KCNN3: variants seen among roughly 807,000 people sequenced by gnomAD.
KCNN3 encodes the protein potassium calcium-activated channel subfamily N member 3, also known as small conductance calcium-activated potassium channel protein 3.
A neutral mutation model predicts 62.9 loss-of-function variants in KCNN3; 16 were observed. The ratio of observed to expected loss-of-function variants is 0.25; its 90% CI spans 0.17 to 0.39. The LOEUF is 0.39. Ranked by LOEUF, KCNN3 falls within the 10% of genes least tolerant of loss-of-function variation. The pLI, the probability that KCNN3 is intolerant of heterozygous loss-of-function variation, is 1.00. For synonymous variants in KCNN3, 370 were observed against 389.2 expected (o/e 0.95, Z 0.58); for missense variants, 599 against 949.4 (o/e 0.63, Z 4.85).
At chr1:154,774,524 G>A (rs751766558) in intron 2 of KCNN3, among the ~76,000 whole-genome samples, 2 of 152,260 alleles carry the variant, frequency 1.3e-5, no homozygotes, top group Non-Finnish European at 2.9e-5. Flanking sequence ...TGAGGCCTGA[G>A]ATCCGGGCAT....
intron 2 of KCNN3, among the ~76,000 whole-genome samples, chr1:154,806,968 G>C (rs1650198452): frequency 6.6e-6 from 1 of 152,134 alleles, no homozygotes; most frequent in Non-Finnish European, 1.5e-5. Context: ...TATCCTGAAA[G>C]GACATTTGGA....
At chr1:154,732,973 G>C (rs370223506) in intron 4 of KCNN3, 30 bp downstream of exon 4, 16 of 1,613,304 alleles carry the variant, frequency 9.9e-6, no homozygotes, top group East Asian at 4.5e-5. Context: ...ACATTTTAAG[G>C]GTAGGGAATG....
intron 2 of KCNN3, among the ~76,000 whole-genome samples, chr1:154,775,158 A>G (rs1648736134): frequency 6.6e-6 from 1 of 152,174 alleles, no homozygotes; most frequent in Non-Finnish European, 1.5e-5. Context: ...CTCTGCTTCA[A>G]AGTTAGTCAC....
At chr1:154,714,317 G>A (rs1241569717) in intron 6 of KCNN3, among the ~76,000 whole-genome samples, 2 of 127,794 alleles carry the variant, frequency 1.6e-5, no homozygotes, top group Admixed American at 7.8e-5. Context: ...TGGTTTGTGT[G>A]AGGTGTGTGT....
intron 3 of KCNN3, among the ~76,000 whole-genome samples, chr1:154,746,677 C>G (rs972729443): frequency 1.3e-5 from 2 of 152,152 alleles, no homozygotes; most frequent in Non-Finnish European, 2.9e-5. Context: ...TGTTCAGTCT[C>G]TCTCCCACCC....
chr1:154,715,652 C>G (rs1337008711), intron 5 of KCNN3, among the ~76,000 whole-genome samples: 19 of 150,908 alleles, frequency 1.3e-4, no homozygotes, highest in African/African-American at 4.6e-4. Context: ...TCAATACTAT[C>G]TCTTGACTGC....
intron 1 of KCNN3, among the ~76,000 whole-genome samples, chr1:154,847,744 A>G (rs1652136290): frequency 6.6e-6 from 1 of 152,176 alleles, no homozygotes; most frequent in South Asian, 2.1e-4. Flanking sequence ...AGTCAAGTCC[A>G]TCATCATATC....
chr1:154,723,425 T>C (rs141192146), intron 5 of KCNN3, among the ~76,000 whole-genome samples: 1 of 152,358 alleles, frequency 6.6e-6, no homozygotes, highest in East Asian at 1.9e-4. Flanking sequence ...TATTTGTTGA[T>C]TTGATTTTCA....
intron 3 of KCNN3, among the ~76,000 whole-genome samples, chr1:154,758,655 A>G (rs1056974788): frequency 6.6e-6 from 1 of 152,214 alleles, no homozygotes; most frequent in Admixed American, 6.5e-5. Context: ...GCAGGCATCC[A>G]GACCGAATGG....
chr1:154,846,178 A>G (rs562196622), intron 1 of KCNN3, among the ~76,000 whole-genome samples: 1 of 152,250 alleles, frequency 6.6e-6, no homozygotes, highest in African/African-American at 2.4e-5. Context: ...GACCACGTCT[A>G]AAGGGCCTAG....
At position 154,868,205 on chromosome 1, in the gene KCNN3, G is replaced by A. The variant is rs912514341; in HGVS notation, c.933+827C>T. ...GCCCTGTCATCCCGTCCCAAGGAGAGGTGCTCCCCCAGCTGATTCCAAGGC... is the reference window on the plus strand; with the variant it reads ...GCCCTGTCATCCCGTCCCAAGGAGAAGTGCTCCCCCAGCTGATTCCAAGGC... On this transcript the variant is annotated intron_variant, in intron 1 of 7. Coordinates refer to ENST00000271915, the MANE Select transcript of KCNN3 (RefSeq NM_002249.6). 1.7e-5 allele frequency: 17 copies of A among 985,422 alleles called. No homozygotes were observed. The African/African-American group carries it at 3.0e-4, about 17-fold the overall frequency. The allele number at this position is 985,422 out of a possible 1,614,324, so 61.0% of individuals were successfully genotyped here. A position where few individuals can be genotyped will look rare whatever the true frequency, so the allele number is the denominator to read the frequency against.
chr1:154,773,457 T>C (rs1438181107), intron 2 of KCNN3, among the ~76,000 whole-genome samples: 1 of 152,256 alleles, frequency 6.6e-6, no homozygotes, highest in Non-Finnish European at 1.5e-5. Context: ...CCCTGATTTA[T>C]AGCCACTTGG....
Position 154,822,099 on chromosome 1 carries a change from C to G in KCNN3, c.1019G>C (p.Arg340Pro), listed in dbSNP as rs760112555. Residue 340 changes from arginine to proline, a missense_variant, in exon 2 of 8, where the codon CGT becomes CCT. Coordinates refer to ENST00000271915, the MANE Select transcript of KCNN3 (RefSeq NM_002249.6). ...GGTGGGGGCACCTACCTGGACTTCA[C>G]GTGTGTGGTAGGCGATGATCAAGCC... Reference protein sequence around the residue: ...LLGLIIAYHTREVQLFVIDNG... With the variant: ...LLGLIIAYHTPEVQLFVIDNG... The G allele has an allele frequency of 6.2e-7, 1 of 1,612,950 alleles. No homozygotes were observed. Among genetic ancestry groups the G allele is most frequent in the Admixed American group, 1.7e-5 (1 of 60,026 alleles).
chr1:154,846,955 T>C (rs1652088200), intron 1 of KCNN3, among the ~76,000 whole-genome samples: 1 of 152,142 alleles, frequency 6.6e-6, no homozygotes, highest in African/African-American at 2.4e-5. Context: ...CACATGGATG[T>C]GACCAAAGCA....
chr1:154,818,942 G>C (rs531862317), intron 2 of KCNN3, among the ~76,000 whole-genome samples: 13 of 152,238 alleles, frequency 8.5e-5, no homozygotes, highest in Admixed American at 2.0e-4. Flanking sequence ...TGGGGAAGAC[G>C]GGGACATGAT....
chr1:154,781,353 C>T (rs1341333843), intron 2 of KCNN3, among the ~76,000 whole-genome samples: 1 of 152,178 alleles, frequency 6.6e-6, no homozygotes, highest in Admixed American at 6.5e-5. Context: ...AGTCTCTGGA[C>T]CTCAGATTCC....
intron 1 of KCNN3, among the ~76,000 whole-genome samples, chr1:154,832,687 T>C (rs1474654385): frequency 6.6e-6 from 1 of 152,242 alleles, no homozygotes; most frequent in Admixed American, 6.5e-5. Flanking sequence ...TTTCTCTTAG[T>C]AAAACCTATC....
intron 4 of KCNN3, among the ~76,000 whole-genome samples, chr1:154,726,311 C>T (rs1009252802): frequency 2.0e-5 from 3 of 152,170 alleles, no homozygotes; most frequent in African/African-American, 7.2e-5. Flanking sequence ...TGCTGGGTGG[C>T]GCCGAGGCTT....
intron 1 of KCNN3, among the ~76,000 whole-genome samples, chr1:154,850,767 T>G (rs1429987557): frequency 1.3e-5 from 2 of 152,214 alleles, no homozygotes; most frequent in Non-Finnish European, 2.9e-5. Flanking sequence ...TTTGTATCAT[T>G]TCAGTAAGTT....
Sources: gnomAD v4.1 joint callset for allele counts (sites outside exome capture counted in the v4.1 genomes callset) on GRCh38, gnomAD v4.1.1 for gene constraint, MANE v1.5 for transcripts, NCBI Gene and HGNC (gene_info 2026-07-23, HGNC 2026-07-21) for gene names.